Variants in MAP3K6 observed in about 807,000 individuals in gnomAD.
MAP3K6 encodes the protein mitogen-activated protein kinase kinase kinase 6, also known as apoptosis signal-regulating kinase 2.
A neutral mutation model predicts 147.1 loss-of-function variants in MAP3K6; 105 were observed. The observed-to-expected ratio is 0.71, with a 90% CI of 0.61 to 0.84. The LOEUF (loss-of-function observed/expected upper bound fraction) is 0.84. Among genes scored for constraint, MAP3K6 ranks in the 40% least tolerant of loss-of-function variants. The pLI, the probability that MAP3K6 is intolerant of heterozygous loss-of-function variation, is 0.00. For missense variants in MAP3K6, 1,569 were observed against 1,715.0 expected, an observed-to-expected ratio of 0.91 and a Z score of 1.50; for synonymous variants, 695 against 732.4, an observed-to-expected ratio of 0.95 and a Z score of 0.82.
chr1:27,358,947 A>G lies in MAP3K6; in HGVS notation c.2426-81T>C. 3 of 1,396,780 alleles carry G rather than the reference A, an allele frequency of 2.1e-6. No individual in the cohort carries two copies. The highest frequency in any genetic ancestry group is 2.9e-6 in the Non-Finnish European group (3 of 1,027,292). The allele number at this position is 1,396,780 out of a possible 1,614,324, so 86.5% of individuals were successfully genotyped here. A position where few individuals can be genotyped will look rare whatever the true frequency, so the allele number is the denominator to read the frequency against. ...CAGGGAGGGGAATGCCGTCATCCTC[A>G]GGCCGACTGCACCCATACTGAACCT... On this transcript the variant is annotated intron_variant, in intron 18 of 28. Coordinates refer to ENST00000357582, the MANE Select transcript of MAP3K6 (RefSeq NM_004672.5). This position sits in a 1 kb window ranked among gnomAD's most constrained non-coding sequence, Gnocchi z 6.2.
chr1:27,366,188 G>T lies in MAP3K6; in HGVS notation c.340+70C>A. 8.0e-7 allele frequency: 1 copy of T among 1,253,530 alleles called. No homozygotes were observed. Among genetic ancestry groups the T allele is most frequent in the Non-Finnish European group, 1.0e-6 (1 of 996,946 alleles). 77.7% of individuals were successfully genotyped at this position (1,253,530 alleles called of 1,614,324 possible). ...CTCTCGGCCCCTCCCTTGAGCCTTCGAGCCCGGCTTGGTCCCCTCCCAGGA... is the reference window on the plus strand; with the variant it reads ...CTCTCGGCCCCTCCCTTGAGCCTTCTAGCCCGGCTTGGTCCCCTCCCAGGA... On this transcript the variant is annotated intron_variant, in intron 1 of 28. Coordinates refer to ENST00000357582, the MANE Select transcript of MAP3K6 (RefSeq NM_004672.5). This position sits in a 1 kb window ranked among gnomAD's most constrained non-coding sequence, Gnocchi z 5.5.
chr1:27,355,209 T>C lies in MAP3K6; in HGVS notation c.*182A>G. ...TTCAAAAGTGTTCTGTTTAATACGC[T>C]TTGTCTGGTAGTGCTTGGGTGCCTG... On this transcript the variant is annotated 3_prime_UTR_variant, in exon 29 of 29. Coordinates refer to ENST00000357582, the MANE Select transcript of MAP3K6 (RefSeq NM_004672.5). The C allele has an allele frequency of 1.4e-6, 1 of 701,408 alleles. No individual in the cohort carries two copies. The allele number at this position is 701,408 out of a possible 1,614,324, so 43.4% of individuals were successfully genotyped here. A position where few individuals can be genotyped will look rare whatever the true frequency, so the allele number is the denominator to read the frequency against.
At position 27,359,732 on chromosome 1, in the gene MAP3K6, C is replaced by T. The variant is rs774811596; in HGVS notation, c.2319+126G>A. On this transcript the variant is annotated intron_variant, in intron 17 of 28. Coordinates refer to ENST00000357582, the MANE Select transcript of MAP3K6 (RefSeq NM_004672.5). The surrounding 1 kb of genome is among the most constrained non-coding windows in gnomAD (Gnocchi z 4.4). Reference sequence around the variant, plus strand: ...TCCCCTCCTTCTCTAAGGAGCCTCCCTGATGAATTCCCTACCCTTTGCAAC... The same window carrying T: ...TCCCCTCCTTCTCTAAGGAGCCTCCTTGATGAATTCCCTACCCTTTGCAAC... The T allele has an allele frequency of 6.2e-5, 90 of 1,454,322 alleles. No individual in the cohort carries two copies. Among genetic ancestry groups the T allele is most frequent in the Non-Finnish European group, 7.5e-5 (80 of 1,068,300 alleles). 90.1% of individuals were successfully genotyped at this position (1,454,322 alleles called of 1,614,324 possible). A position where few individuals can be genotyped will look rare whatever the true frequency, so the allele number is the denominator to read the frequency against.
chr1:27,356,546 G>A, intron 25 of MAP3K6, 44 bp downstream of exon 25: 1 of 1,611,328 alleles, frequency 6.2e-7, no homozygotes, highest in Admixed American at 1.7e-5. Flanking sequence ...TGGTGAGTGG[G>A]TTGAAGCCCG....
intron 27 of MAP3K6, 110 bp from the exon 28 acceptor site, chr1:27,355,855 C>A: frequency 8.4e-7 from 1 of 1,191,072 alleles, no homozygotes; most frequent in Non-Finnish European, 1.2e-6. Context: ...AGGCAGATCA[C>A]ACCCTTCTGG....
In MAP3K6 at chr1:27,366,567, C is replaced by G; in HGVS notation, c.31G>C (p.Glu11Gln). 1.8e-6 allele frequency: 2 copies of G among 1,084,750 alleles called. No individual in the cohort carries two copies. The highest frequency in any genetic ancestry group is 2.2e-6 in the Non-Finnish European group (2 of 895,100). 67.2% of individuals were successfully genotyped at this position (1,084,750 alleles called of 1,614,324 possible). Residue 11 changes from glutamate (E) to glutamine (Q), a missense_variant, in exon 1 of 29, where the codon GAG (glutamate) becomes CAG (glutamine). Transcript: ENST00000357582. This position sits in a 1 kb window ranked among gnomAD's most constrained non-coding sequence, Gnocchi z 5.5. MAGPCPRSGAERAGSCWQDPL... is the reference protein window; with the variant it reads MAGPCPRSGAQRAGSCWQDPL... ...TCCTGCCAGCAGCTGCCGGCGCGCT[C>G]CGCCCCGGACCGGGGACACGGCCCC...
intron 24 of MAP3K6, 27 bp downstream of exon 24, chr1:27,356,982 A>G: frequency 1.2e-6 from 2 of 1,603,452 alleles, no homozygotes; most frequent in Non-Finnish European, 1.7e-6. Flanking sequence ...CCTCGCTGGC[A>G]GGAGGCCCGT....
At position 27,358,596 on chromosome 1, in the gene MAP3K6, C is replaced by T; in HGVS notation, c.2599G>A (p.Val867Ile). Residue 867 changes from valine to isoleucine, a missense_variant, in exon 20 of 29, where the codon GTC becomes ATC. Transcript: ENST00000357582. This position sits in a 1 kb window ranked among gnomAD's most constrained non-coding sequence, Gnocchi z 6.2. ...AAMFQVGMYKVHPPMPSSLSA... is the reference protein window; with the variant it reads ...AAMFQVGMYKIHPPMPSSLSA... ...AGAGAGCTGGGCATTGGCGGATGGA[C>T]CTTGTACATACCCACCTGTGGGGGG... The T allele has an allele frequency of 6.2e-7, 1 of 1,613,750 alleles. No individual in the cohort carries two copies. Among genetic ancestry groups the T allele is most frequent in the South Asian group, 1.1e-5 (1 of 91,068 alleles).
chr1:27,362,037 G>C (rs1163686984), intron 9 of MAP3K6, 54 bp downstream of exon 9: 9 of 1,563,940 alleles, frequency 5.8e-6, no homozygotes, highest in South Asian at 1.2e-5. Flanking sequence ...AATGGACATA[G>C]GTGCAGGAGC....
In MAP3K6 at chr1:27,358,426, C is replaced by T; in HGVS notation, c.2769G>A (p.Arg923=). ...CCCGCCACCCGCAAGCACCTGAGGG[C>T]CGTGGAGCATGTCGTGGGGAGCTGG... ...RSPSSPRHAP[R]PSDAPSASPT... The change falls in exon 20 of 29, where the codon CGG becomes CGA. Residue 923 remains arginine (R), a synonymous_variant. Coordinates refer to ENST00000357582, the MANE Select transcript of MAP3K6 (RefSeq NM_004672.5). This position sits in a 1 kb window ranked among gnomAD's most constrained non-coding sequence, Gnocchi z 6.2. 2 of 1,591,454 alleles carry T rather than the reference C, an allele frequency of 1.3e-6. No homozygotes were observed. Among genetic ancestry groups the T allele is most frequent in the Middle Eastern group, 1.7e-4 (1 of 5,938 alleles).
rs1484197591 is a variant in MAP3K6, at chr1:27,364,814, G to A, written c.439C>T (p.Leu147Phe). 6.2e-7 allele frequency: 1 copy of A among 1,613,574 alleles called. No individual in the cohort carries two copies. The highest frequency in any genetic ancestry group is 8.5e-7 in the Non-Finnish European group (1 of 1,179,626). The change falls in exon 2 of 29, where the codon CTC (leucine) becomes TTC (phenylalanine). Residue 147 changes from leucine (L) to phenylalanine (F), a missense_variant. Leu to Phe is a conservative substitution (Grantham distance 22). Coordinates refer to ENST00000357582, the MANE Select transcript of MAP3K6 (RefSeq NM_004672.5). This position sits in a 1 kb window ranked among gnomAD's most constrained non-coding sequence, Gnocchi z 4.4. ...TCAGGGAGGTCGGCCTGGGAGCAGA[G>A]GAGCACATTGTTGGTCATGCTGAAG... ...ESFSMTNNVL[L>F]CSQADLPDLQ...
intron 28 of MAP3K6, 84 bp from the exon 29 acceptor site, chr1:27,355,553 C>T: frequency 6.4e-7 from 1 of 1,572,362 alleles, no homozygotes; most frequent in Non-Finnish European, 8.7e-7. Flanking sequence ...AGTGCCCCCT[C>T]TGTCCCTAGG....
chr1:27,366,696 C>G lies in MAP3K6; in HGVS notation c.-99G>C. ...GGAATCTTGGGATCTGGAATCCGTT[C>G]GGAATCGGAGAATCTCCCACGGGAT... is the stretch of plus-strand genomic sequence containing the variant. On this transcript the variant is annotated 5_prime_UTR_variant, in exon 1 of 29. Coordinates refer to ENST00000357582, the MANE Select transcript of MAP3K6 (RefSeq NM_004672.5). The surrounding 1 kb of genome is among the most constrained non-coding windows in gnomAD (Gnocchi z 5.5). The G allele has an allele frequency of 2.2e-6, 2 of 913,200 alleles. No individual in the cohort carries two copies. The highest frequency in any genetic ancestry group is 3.6e-5 in the African/African-American group (2 of 56,036). 56.6% of individuals were successfully genotyped at this position (913,200 alleles called of 1,614,324 possible).
chr1:27,364,877 G>A lies in MAP3K6; in HGVS notation c.376C>T (p.Gln126Ter), dbSNP rs376186740. Residue 126 changes from glutamine to a stop codon, truncating the protein, a stop_gained, in exon 2 of 29, where the codon CAG becomes TAG. Transcript: ENST00000357582. LOFTEE classifies it high-confidence loss of function. This position sits in a 1 kb window ranked among gnomAD's most constrained non-coding sequence, Gnocchi z 4.4. ...CCAAGGTGGTAGAACAGGGAGGGCT[G>A]TACCAGCGAGCTGCTCACCTCCAGC... Reference protein sequence around the residue: ...VVLEVSSSLVQPSLFYHLGVR... With the variant: ...VVLEVSSSLV 4 of 1,605,408 alleles carry A rather than the reference G, an allele frequency of 2.5e-6. No homozygotes were observed. Among genetic ancestry groups the A allele is most frequent in the Non-Finnish European group, 3.4e-6 (4 of 1,173,572 alleles).
In MAP3K6 at chr1:27,362,081, GGCCA is replaced by G. The variant is rs1397467713; in HGVS notation, c.1415+6_1415+9del. 1 of 1,604,508 alleles carries G rather than the reference GGCCA, an allele frequency of 6.2e-7. No individual in the cohort carries two copies. Among genetic ancestry groups the G allele is most frequent in the Admixed American group, 1.7e-5 (1 of 59,136 alleles). ...CAGGTCAGGCCAAGAATGCAGAGGG[GGCCA>G]CCTACCATATGGGGGCATTGAGCTT... On this transcript the variant is annotated splice_donor_region_variant and intron_variant, in intron 9 of 28. Transcript: ENST00000357582.
chr1:27,363,148 C>T (rs534291233), intron 6 of MAP3K6, 127 bp from the exon 7 acceptor site: 7 of 850,532 alleles, frequency 8.2e-6, no homozygotes, highest in African/African-American at 3.4e-5. Context: ...ATGATAATGA[C>T]CCTGGCCAGC....
intron 5 of MAP3K6, 33 bp from the exon 6 acceptor site, chr1:27,363,581 G>T (rs755564605): frequency 1.3e-6 from 2 of 1,525,978 alleles, no homozygotes; most frequent in Non-Finnish European, 8.9e-7. Context: ...CTGGCATCAT[G>T]GGCCTCCAGG....
chr1:27,358,403 C>G lies in MAP3K6; in HGVS notation c.2776+16G>C. On this transcript the variant is annotated intron_variant, in intron 20 of 28. Transcript: ENST00000357582. The surrounding 1 kb of genome is among the most constrained non-coding windows in gnomAD (Gnocchi z 6.2). ...CCTCTGCCCTCCACTGTGCCCATCC[C>G]GCCACCCGCAAGCACCTGAGGGCCG... 1 of 1,582,858 alleles carries G rather than the reference C, an allele frequency of 6.3e-7. No homozygotes were observed. Among genetic ancestry groups the G allele is most frequent in the African/African-American group, 1.4e-5 (1 of 72,824 alleles).
In MAP3K6 at chr1:27,359,218, C is replaced by A. The variant is rs143007012; in HGVS notation, c.2425+199G>T. Among the ~76,000 whole-genome samples, 5 of 152,322 alleles carry A rather than the reference C, an allele frequency of 3.3e-5. No homozygotes were observed. In the East Asian group the frequency reaches 9.6e-4, roughly 29 times the overall value. On this transcript the variant is annotated intron_variant, in intron 18 of 28. Coordinates refer to ENST00000357582, the MANE Select transcript of MAP3K6 (RefSeq NM_004672.5). This position sits in a 1 kb window ranked among gnomAD's most constrained non-coding sequence, Gnocchi z 4.4. Reference sequence around the variant, plus strand: ...GGCCTGCATCAACACTCCTCAAGTGCTAAAGTCAATTTCATCACTTCTCCA... The same window carrying A: ...GGCCTGCATCAACACTCCTCAAGTGATAAAGTCAATTTCATCACTTCTCCA...
Sources: gnomAD v4.1 joint callset for allele counts (sites outside exome capture counted in the v4.1 genomes callset) on GRCh38, gnomAD v4.1.1 for gene constraint, Gnocchi (gnomAD v3.1) non-coding constraint, MANE v1.5 for transcripts, NCBI Gene and HGNC (gene_info 2026-07-23, HGNC 2026-07-21) for gene names.